Variants in CR1 observed in about 807,000 individuals in gnomAD.
CR1 encodes complement C3b/C4b receptor 1 (Knops blood group).
Under a neutral mutation model 187.3 loss-of-function variants are expected in CR1, and 116 were observed. The observed-to-expected ratio is 0.62, with a 90% CI of 0.53 to 0.72. The LOEUF (loss-of-function observed/expected upper bound fraction) is 0.72. Among genes scored for constraint, CR1 ranks in the 30% least tolerant of loss-of-function variants. CR1 has a pLI of 0.00. For synonymous variants in CR1, 576 were observed against 747.1 expected (o/e 0.77, Z 3.73); for missense variants, 1,731 against 2,110.7 (o/e 0.82, Z 3.52).
chr1:207,633,475 CATT>C (rs1370128817), intron 46 of CR1, among the ~76,000 whole-genome samples: 5 of 152,250 alleles, frequency 3.3e-5, no homozygotes, highest in African/African-American at 9.6e-5. Flanking sequence ...TTTCTCCCAT[CATT>C]ATAACAGTAC....
At chr1:207,512,883 G>A (rs1438795586) in intron 4 of CR1, among the ~76,000 whole-genome samples, 27 of 152,134 alleles carry the variant, frequency 1.8e-4, no homozygotes, top group Non-Finnish European at 3.5e-4. Context: ...TAACCTCTCT[G>A]TATCCAAATC....
chr1:207,616,719 G>T lies in CR1; in HGVS notation c.6806G>T (p.Ser2269Ile), dbSNP rs1434418184. The T allele has an allele frequency of 6.2e-7, 1 of 1,613,940 alleles. No individual in the cohort carries two copies. The highest frequency in any genetic ancestry group is 8.5e-7 in the Non-Finnish European group (1 of 1,179,884). Residue 2269 changes from serine to isoleucine, a missense_variant, in exon 41 of 47, where the codon AGC becomes ATC. Ser to Ile is a moderately radical substitution (Grantham distance 142). Around this residue, in one of 5 missense-constraint regions of CR1, gnomAD observed 1,312 missense variants for 1,379.6 expected, o/e 0.95. Transcript: ENST00000367049. ...ATGACCTTCAACCTCATTGGGGAGA[G>T]CTCCATCCGCTGCACAAGTGACCCT... ...RGMTFNLIGE[S>I]SIRCTSDPQG...
intron 33 of CR1, among the ~76,000 whole-genome samples, 193 bp from the exon 34 acceptor site, chr1:207,587,193 T>TA (rs1000095350): frequency 7.9e-5 from 12 of 152,186 alleles, no homozygotes; most frequent in South Asian, 4.1e-4. Flanking sequence ...TTCCAAATAG[T>TA]AAAAAAAATC....
intron 40 of CR1, 45 bp from the exon 41 acceptor site, chr1:207,616,530 T>C: frequency 6.3e-7 from 1 of 1,591,908 alleles, no homozygotes; most frequent in Non-Finnish European, 8.6e-7. Context: ...TCAGTCATCT[T>C]AAGTGAAATT....
At chr1:207,511,786 C>T (rs577903962) in intron 4 of CR1, 132 bp downstream of exon 4, 2 of 764,576 alleles carry the variant, frequency 2.6e-6, no homozygotes, top group South Asian at 2.0e-5. Flanking sequence ...GTAATGTTCT[C>T]GAATATTCCT....
chr1:207,596,618 A>AAAC (rs1661449590), intron 35 of CR1, among the ~76,000 whole-genome samples: 1 of 150,708 alleles, frequency 6.6e-6, no homozygotes, highest in African/African-American at 2.5e-5. Context: ...CTGTCTCAAA[A>AAAC]AATAATAATA....
At chr1:207,579,621 C>A (rs963527375) in intron 29 of CR1, among the ~76,000 whole-genome samples, 7 of 152,202 alleles carry the variant, frequency 4.6e-5, no homozygotes, top group African/African-American at 1.7e-4. Context: ...CTAAATAACT[C>A]GCCCCTCAAT....
At chr1:207,589,626 G>T (rs901058584) in intron 35 of CR1, among the ~76,000 whole-genome samples, 6 of 152,190 alleles carry the variant, frequency 3.9e-5, no homozygotes, top group African/African-American at 1.4e-4. Flanking sequence ...TGGACAGATT[G>T]ACAGAAGTAG....
intron 30 of CR1, 31 bp from the exon 31 acceptor site, chr1:207,580,480 T>G (rs766913084): frequency 1.3e-6 from 2 of 1,594,082 alleles, no homozygotes; most frequent in Non-Finnish European, 1.7e-6. Context: ...CTTACTCCTA[T>G]TTTTTCTTTT....
chr1:207,501,912 C>G (rs1659281316), intron 1 of CR1, among the ~76,000 whole-genome samples: 5 of 142,556 alleles, frequency 3.5e-5, no homozygotes, highest in Admixed American at 3.3e-4. Context: ...AACTGTTTTA[C>G]TCAGTGTTTT....
chr1:207,598,421 C>CTTTTTTTTTTTTTTTTTTTTT (rs11392366), intron 35 of CR1, among the ~76,000 whole-genome samples: 1 of 148,608 alleles, frequency 6.7e-6, no homozygotes. Context: ...AAGACAAGAA[C>CTTTTTTTTTTTTTTTTTTTTT]TTTTTTTTTT....
chr1:207,515,317 C>A lies in CR1; in HGVS notation c.487+3663C>A, dbSNP rs576715955. On this transcript the variant is annotated intron_variant, in intron 4 of 46. Coordinates refer to ENST00000367049, the MANE Select transcript of CR1 (RefSeq NM_000651.6). ...CATATATACACACTATATATATATA[C>A]ACATATATATAGTGTGTATATATGC... is the stretch of plus-strand genomic sequence containing the variant. 2.0e-5 allele frequency among the ~76,000 whole-genome samples: 3 copies of A among 148,358 alleles called. No homozygotes were observed. The East Asian group carries it at 5.9e-4, about 29-fold the overall frequency.
chr1:207,583,873 T>C (rs2087906997), intron 32 of CR1, among the ~76,000 whole-genome samples: 2 of 152,208 alleles, frequency 1.3e-5, no homozygotes, highest in Non-Finnish European at 2.9e-5. Context: ...TTTTAACCTT[T>C]GATTAGTTTA....
At chr1:207,522,948 G>C (rs1399966014) in intron 4 of CR1, among the ~76,000 whole-genome samples, 1 of 152,086 alleles carries the variant, frequency 6.6e-6, no homozygotes, top group Non-Finnish European at 1.5e-5. Flanking sequence ...CTTTTACACA[G>C]ATATCATCTT....
intron 40 of CR1, 142 bp downstream of exon 40, chr1:207,614,631 A>G: frequency 1.7e-6 from 1 of 592,756 alleles, no homozygotes; most frequent in East Asian, 3.8e-5. Context: ...GAAGAATTTC[A>G]AGAAGGGTCT....
rs1041156273 is a variant in CR1 at position 207,568,173 on chromosome 1, T to C, written c.4171+131T>C. ...CCACAATGGAATGCCAAACCAATGA[T>C]AGATGGTTCTAAGGTAGGTCAACAC... On this transcript the variant is annotated intron_variant, in intron 25 of 46. Coordinates refer to ENST00000367049, the MANE Select transcript of CR1 (RefSeq NM_000651.6). 1.9e-5 allele frequency: 28 copies of C among 1,474,192 alleles called. 4 individuals are homozygous for C. The African/African-American group carries it at 3.9e-4, about 21-fold the overall frequency. The allele number at this position is 1,474,192 out of a possible 1,614,324, so 91.3% of individuals were successfully genotyped here.
intron 28 of CR1, among the ~76,000 whole-genome samples, chr1:207,577,265 C>CAAA (rs58120393): frequency 0.016 from 2,353 of 147,352 alleles, 57 homozygotes; most frequent in African/African-American, 0.054. Flanking sequence ...AACAAACAAA[C>CAAA]AAAAAAAAAA....
chr1:207,525,773 T>C (rs1183198071), intron 5 of CR1, among the ~76,000 whole-genome samples: 1 of 151,932 alleles, frequency 6.6e-6, no homozygotes, highest in Non-Finnish European at 1.5e-5. Context: ...ACCTCAATAT[T>C]ACATCACCAG....
chr1:207,513,878 G>A (rs1389341720), intron 4 of CR1, among the ~76,000 whole-genome samples: 1 of 151,516 alleles, frequency 6.6e-6, no homozygotes, highest in Non-Finnish European at 1.5e-5. Flanking sequence ...AACATTGGTA[G>A]CAATAGATGT....
Sources: gnomAD v4.1 joint callset for allele counts (sites outside exome capture counted in the v4.1 genomes callset) on GRCh38, gnomAD v4.1.1 for gene constraint, gnomAD v4.1.1 regional missense constraint, MANE v1.5 for transcripts, NCBI Gene and HGNC (gene_info 2026-07-23, HGNC 2026-07-21) for gene names.